COL11A1: variants seen among roughly 807,000 people sequenced by gnomAD.
The protein encoded by COL11A1 is collagen alpha-1(XI) chain.
COL11A1 carries 74 observed loss-of-function variants against 265.2 expected under a neutral mutation model. The observed-to-expected ratio is 0.28, with a 90% CI of 0.23 to 0.34. The LOEUF (loss-of-function observed/expected upper bound fraction) is 0.34. Ranked by LOEUF, COL11A1 falls within the 10% of genes least tolerant of loss-of-function variation. The pLI is 1.00. For synonymous variants in COL11A1, 816 were observed against 727.6 expected (o/e 1.12, Z -1.96); for missense variants, 2,165 against 2,263.6 (o/e 0.96, Z 0.88).
chr1:103,055,566 G>T (rs909848483), intron 4 of COL11A1, among the ~76,000 whole-genome samples: 1 of 152,156 alleles, frequency 6.6e-6, no homozygotes, highest in East Asian at 1.9e-4. Context: ...TAATAGAATT[G>T]TACCAATTTT....
chr1:103,087,659 ACT>A (rs1327226360), intron 1 of COL11A1, among the ~76,000 whole-genome samples: 2 of 151,934 alleles, frequency 1.3e-5, no homozygotes, highest in African/African-American at 4.8e-5. Context: ...TATAAACCCT[ACT>A]CTCTGTTTCA....
chr1:102,913,779 T>G, intron 52 of COL11A1, 89 bp from the exon 53 acceptor site: 1 of 1,167,680 alleles, frequency 8.6e-7, no homozygotes, highest in South Asian at 1.3e-5. Flanking sequence ...TTAGGCCATC[T>G]CTTGAGAAAA....
chr1:103,053,404 G>A (rs1669986032), intron 4 of COL11A1, among the ~76,000 whole-genome samples: 1 of 152,160 alleles, frequency 6.6e-6, no homozygotes, highest in African/African-American at 2.4e-5. Context: ...CTGGCAACAG[G>A]ATACCTTGAG....
At chr1:103,069,805 G>T (rs1671433062) in intron 4 of COL11A1, among the ~76,000 whole-genome samples, 1 of 151,686 alleles carries the variant, frequency 6.6e-6, no homozygotes, top group South Asian at 2.1e-4. Flanking sequence ...CTGGCAAAAT[G>T]CAGACATCAT....
In COL11A1 at chr1:102,898,766, G is replaced by T. The variant is rs1294086587; in HGVS notation, c.4148C>A (p.Ala1383Glu). The change falls in exon 56 of 67, where the codon GCA becomes GAA. Residue 1383 changes from alanine to glutamate, a missense_variant. Physicochemically the swap from Ala to Glu is moderately radical, Grantham distance 107. Coordinates refer to ENST00000370096, the MANE Select transcript of COL11A1 (RefSeq NM_001854.4). ...RQGEKGAKGE[A>E]GAEGPPGKTG... is the part of the protein sequence containing the mutation. ...TTTTCCAGGAGGACCTTCTGCACCT[G>T]CTTCCCCCTGTTAGAAAGTAAAATA... 3 of 1,612,590 alleles carry T rather than the reference G, an allele frequency of 1.9e-6. No homozygotes were observed. The highest frequency in any genetic ancestry group is 1.7e-6 in the Non-Finnish European group (2 of 1,179,206).
At chr1:103,017,924 C>G in intron 10 of COL11A1, 42 bp from the exon 11 acceptor site, 15 of 1,430,696 alleles carry the variant, frequency 1.0e-5, no homozygotes, top group African/African-American at 1.4e-5. Context: ...TTCCTAATCT[C>G]ATTAATATTT....
chr1:103,106,058 G>A (rs899353588), intron 1 of COL11A1, among the ~76,000 whole-genome samples: 1 of 152,156 alleles, frequency 6.6e-6, no homozygotes, highest in Non-Finnish European at 1.5e-5. Context: ...AATAGGGAAA[G>A]TTGTTTTCCC....
At chr1:102,890,100 T>G (rs569130610) in intron 58 of COL11A1, among the ~76,000 whole-genome samples, 1 of 152,284 alleles carries the variant, frequency 6.6e-6, no homozygotes, top group South Asian at 2.1e-4. Flanking sequence ...TGAAAGATAT[T>G]TCTAGTTTAA....
intron 14 of COL11A1, among the ~76,000 whole-genome samples, chr1:103,010,208 C>T (rs980947971): frequency 4.6e-5 from 7 of 152,202 alleles, no homozygotes; most frequent in African/African-American, 1.4e-4. Flanking sequence ...GAAAAATGTA[C>T]AGATGTCAAA....
At chr1:102,969,845 C>T (rs1190018790) in intron 37 of COL11A1, among the ~76,000 whole-genome samples, 1 of 151,958 alleles carries the variant, frequency 6.6e-6, no homozygotes, top group Non-Finnish European at 1.5e-5. Context: ...AATCTGTTGC[C>T]TTTAGAGTGG....
At chr1:103,092,796 T>C (rs1328059953) in intron 1 of COL11A1, among the ~76,000 whole-genome samples, 1 of 152,112 alleles carries the variant, frequency 6.6e-6, no homozygotes, top group Non-Finnish European at 1.5e-5. Context: ...CCAGGGAACC[T>C]ATCTGAAGTA....
chr1:102,982,543 T>C (rs1240092811), intron 31 of COL11A1, among the ~76,000 whole-genome samples: 2 of 152,102 alleles, frequency 1.3e-5, no homozygotes, highest in East Asian at 1.9e-4. Context: ...CAGAGCAGTA[T>C]ATTAGAGATA....
chr1:103,020,950 A>G (rs1197732822), intron 9 of COL11A1, among the ~76,000 whole-genome samples: 1 of 142,038 alleles, frequency 7.0e-6, no homozygotes, highest in African/African-American at 2.5e-5. Context: ...GGAACAGAAC[A>G]GAGCCCTCAG....
chr1:102,909,497 AT>A (rs920751126), intron 54 of COL11A1, among the ~76,000 whole-genome samples: 23 of 152,062 alleles, frequency 1.5e-4, no homozygotes, highest in South Asian at 1.0e-3. Context: ...AAATAACTAA[AT>A]TTTTTTGTAC....
chr1:102,946,941 G>C lies in COL11A1; in HGVS notation c.3184C>G (p.Arg1062Gly). Residue 1062 changes from arginine to glycine, a missense_variant, in exon 42 of 67, where the codon CGT (arginine) becomes GGT (glycine). By Grantham distance (125) the Arg-to-Gly change is moderately radical (BLOSUM62 -2). Coordinates refer to ENST00000370096, the MANE Select transcript of COL11A1 (RefSeq NM_001854.4). ...PPGPVGSPGE[R>G]GSAGTAGPIG... The stretch of plus-strand genomic sequence containing the variant: ...GGGCCAGCTGTACCTGCTGACCCAC[G>C]TTCTCCTGGTGAGCCCTAGTATACA... 1.2e-6 allele frequency: 2 copies of C among 1,612,370 alleles called. No individual in the cohort carries two copies. The highest frequency in any genetic ancestry group is 1.7e-4 in the Middle Eastern group (1 of 6,058).
rs1231657804 is a variant in COL11A1, at chr1:102,877,867, C to T, written c.*152G>A. The T allele has an allele frequency of 1.4e-6, 1 of 703,490 alleles. No individual in the cohort carries two copies. The highest frequency in any genetic ancestry group is 1.8e-5 in the South Asian group (1 of 56,596). 43.6% of individuals were successfully genotyped at this position (703,490 alleles called of 1,614,324 possible). On this transcript the variant is annotated 3_prime_UTR_variant, in exon 67 of 67. Transcript: ENST00000370096. ...CAAAGCTTTTGCCATGTGATTCTGC[C>T]CCCACAAAGGCATCGGTATTTCCTA...
intron 24 of COL11A1, 93 bp from the exon 25 acceptor site, chr1:102,998,456 T>C: frequency 1.2e-6 from 1 of 801,574 alleles, no homozygotes. Context: ...TTATCCTGAG[T>C]CACTGGCTTC....
intron 44 of COL11A1, 123 bp from the exon 45 acceptor site, chr1:102,935,236 T>A (rs192585837): frequency 1.4e-3 from 1,066 of 739,268 alleles, no homozygotes; most frequent in Non-Finnish European, 2.3e-3. Context: ...AAAAGAAGCA[T>A]CACATAGAAT....
At chr1:103,016,660 T>C (rs893466472) in intron 11 of COL11A1, among the ~76,000 whole-genome samples, 1 of 151,954 alleles carries the variant, frequency 6.6e-6, no homozygotes, top group Non-Finnish European at 1.5e-5. Flanking sequence ...ACTTTTCAAA[T>C]GTGAATTTCT....
Sources: gnomAD v4.1 joint callset for allele counts (sites outside exome capture counted in the v4.1 genomes callset) on GRCh38, gnomAD v4.1.1 for gene constraint, MANE v1.5 for transcripts, NCBI Gene and HGNC (gene_info 2026-07-23, HGNC 2026-07-21) for gene names.